The following ALG6 variants were observed in gnomAD, a reference collection of about 807,000 sequenced individuals.
ALG6 encodes the protein ALG6 alpha-1,3-glucosyltransferase.
ALG6 carries 46 observed loss-of-function variants against 66.6 expected under a neutral mutation model. That is an observed-to-expected ratio of 0.69 (90% CI 0.55 to 0.88). ALG6 has a LOEUF of 0.88. ALG6 is among the 40% of genes least tolerant of loss of function. The probability of loss-of-function intolerance (pLI) is 0.00; values close to 1 mark genes in which losing one functional copy is unlikely to be tolerated. For synonymous variants in ALG6, 185 were observed against 203.7 expected (o/e 0.91, Z 0.78); for missense variants, 505 against 586.8 (o/e 0.86, Z 1.44).
chr1:63,420,301 T>C (rs900887178), intron 12 of ALG6, among the ~76,000 whole-genome samples: 2 of 152,128 alleles, frequency 1.3e-5, no homozygotes, highest in Non-Finnish European at 2.9e-5. Flanking sequence ...CTTACCACTA[T>C]TGTATGAGGC....
chr1:63,430,079 C>T (rs572013066), intron 14 of ALG6, among the ~76,000 whole-genome samples: 3 of 152,176 alleles, frequency 2.0e-5, no homozygotes, highest in African/African-American at 7.2e-5. Context: ...GATGGGATTT[C>T]AGTATGTCGG....
chr1:63,409,637 T>C (rs1371384987), intron 7 of ALG6, among the ~76,000 whole-genome samples: 1 of 152,218 alleles, frequency 6.6e-6, no homozygotes, highest in Non-Finnish European at 1.5e-5. Flanking sequence ...TGATTTTAAT[T>C]CTTTCATGGT....
Position 63,419,355 on chromosome 1 carries a change from C to G in ALG6, c.988-15C>G. The G allele has an allele frequency of 6.3e-7, 1 of 1,597,778 alleles. No homozygotes were observed. Among genetic ancestry groups the G allele is most frequent in the Non-Finnish European group, 8.6e-7 (1 of 1,167,604 alleles). On this transcript the variant is annotated splice_polypyrimidine_tract_variant and intron_variant, in intron 11 of 14. Coordinates refer to ENST00000263440, the MANE Select transcript of ALG6 (RefSeq NM_013339.4). ...CAAGTTGTTATATCTCATTTCCCCC[C>G]CTTTTTTCTTAAAGGTTAGCTGTGC...
intron 2 of ALG6, among the ~76,000 whole-genome samples, chr1:63,381,327 G>A (rs373780043): frequency 3.9e-5 from 6 of 152,274 alleles, no homozygotes; most frequent in East Asian, 3.9e-4. Flanking sequence ...GGTGGCGGGC[G>A]CCTGTAGTCC....
At position 63,404,971 on chromosome 1, in the gene ALG6, ATTG is replaced by A. The variant is rs377487627; in HGVS notation, c.346+435_346+437del. Reference sequence around the variant, plus strand: ...TTGCAGTTATCATCTTATACATTGTATTGTTGTGCAGTTTCTAAATTAAATAAT... The same window carrying A: ...TTGCAGTTATCATCTTATACATTGTATTGTGCAGTTTCTAAATTAAATAAT... On this transcript the variant is annotated intron_variant, in intron 5 of 14. Transcript: ENST00000263440. Among the ~76,000 whole-genome samples the A allele has an allele frequency of 6.6e-5, 10 of 152,214 alleles. No homozygotes were observed. In the East Asian group the frequency reaches 1.5e-3, roughly 23 times the overall value.
intron 12 of ALG6, among the ~76,000 whole-genome samples, chr1:63,423,174 C>G (rs1644597452): frequency 6.6e-6 from 1 of 151,788 alleles, no homozygotes; most frequent in Admixed American, 6.6e-5. Context: ...CAGACGCACA[C>G]CACCACGCCC....
intron 4 of ALG6, among the ~76,000 whole-genome samples, chr1:63,403,211 G>A (rs1644474261): frequency 6.6e-6 from 1 of 151,258 alleles, no homozygotes; most frequent in Non-Finnish European, 1.5e-5. Context: ...AAGTAGAGAT[G>A]TTATCCATAT....
intron 2 of ALG6, among the ~76,000 whole-genome samples, chr1:63,384,162 C>T (rs1460796430): frequency 6.6e-6 from 1 of 152,096 alleles, no homozygotes; most frequent in East Asian, 1.9e-4. Context: ...CCTTTATTGC[C>T]TGTCGTTTGG....
At chr1:63,399,736 A>G (rs1644436306) in intron 3 of ALG6, among the ~76,000 whole-genome samples, 3 of 152,196 alleles carry the variant, frequency 2.0e-5, no homozygotes, top group Admixed American at 2.0e-4. Context: ...GTTAGAGAAA[A>G]CTACATCTTA....
chr1:63,398,080 T>G (rs556956451), intron 3 of ALG6, among the ~76,000 whole-genome samples: 1 of 152,198 alleles, frequency 6.6e-6, no homozygotes, highest in Non-Finnish European at 1.5e-5. Flanking sequence ...GGTTATTCTC[T>G]TAGAGACTGG....
chr1:63,433,070 G>A lies in ALG6; in HGVS notation c.1327-3753G>A, dbSNP rs1435552505. On this transcript the variant is annotated intron_variant, in intron 14 of 14. Transcript: ENST00000263440. This position sits in a 1 kb window ranked among gnomAD's most constrained non-coding sequence, Gnocchi z 4.2. ...CAATTCTTCTGCCTCAGCCTCCTGA[G>A]TAGCTGGGACTACAGGCACGTGCCA... 1.3e-5 allele frequency among the ~76,000 whole-genome samples: 2 copies of A among 152,158 alleles called. No individual in the cohort carries two copies. Among genetic ancestry groups the A allele is most frequent in the African/African-American group, 4.8e-5 (2 of 41,428 alleles).
At chr1:63,381,230 G>A (rs1175058284) in intron 2 of ALG6, among the ~76,000 whole-genome samples, 6 of 152,122 alleles carry the variant, frequency 3.9e-5, no homozygotes, top group East Asian at 1.9e-4. Context: ...CGAGGCAGGC[G>A]GATCATGAGG....
Position 63,396,530 on chromosome 1 carries a change from A to G in ALG6, c.100A>G (p.Met34Val), listed in dbSNP as rs1557585842. 8.1e-6 allele frequency: 13 copies of G among 1,614,056 alleles called. No homozygotes were observed. Among genetic ancestry groups the G allele is most frequent in the African/African-American group, 2.7e-5 (2 of 75,028 alleles). The change falls in exon 3 of 15, where the codon ATG (methionine) becomes GTG (valine). Residue 34 changes from methionine (M) to valine (V), a missense_variant. Coordinates refer to ENST00000263440, the MANE Select transcript of ALG6 (RefSeq NM_013339.4). The stretch of plus-strand genomic sequence containing the variant: ...GATCTTAGGTGCTGGTAAACCGCCT[A>G]TGTTTGGTGATTATGAAGCTCAGAG... The part of the protein sequence containing the change: ...NSYSGAGKPP[M>V]FGDYEAQRHW...
intron 2 of ALG6, among the ~76,000 whole-genome samples, chr1:63,395,139 C>T (rs1648781981): frequency 6.6e-6 from 1 of 152,076 alleles, no homozygotes; most frequent in African/African-American, 2.4e-5. Context: ...GCTGGGATTA[C>T]AGGTGTGAGC....
intron 12 of ALG6, among the ~76,000 whole-genome samples, chr1:63,426,994 A>C (rs1401558565): frequency 6.6e-6 from 1 of 152,078 alleles, no homozygotes; most frequent in Non-Finnish European, 1.5e-5. Context: ...AGTGAAATGG[A>C]AAGTCCTCTA....
At chr1:63,370,385 T>G (rs1647873827) in intron 1 of ALG6, among the ~76,000 whole-genome samples, 1 of 152,334 alleles carries the variant, frequency 6.6e-6, no homozygotes, top group African/African-American at 2.4e-5. Context: ...AGATTCCTCT[T>G]TCTCGCTGTA....
chr1:63,428,785 C>G lies in ALG6; in HGVS notation c.1111C>G (p.Leu371Val), dbSNP rs764449670. The G allele has an allele frequency of 6.2e-7, 1 of 1,609,506 alleles. No homozygotes were observed. Among genetic ancestry groups the G allele is most frequent in the Non-Finnish European group, 8.5e-7 (1 of 1,177,054 alleles). ...TCCTTTTATGTCTACTTGGTTTTTA[C>G]TTGTGTCAACATTTAGGTAAGTCAT... ...EIPFMSTWFL[L>V]VSTFSMLPLL... Residue 371 changes from leucine (L) to valine (V), a missense_variant, in exon 13 of 15, where the codon CTT becomes GTT. Leu to Val is a conservative substitution (Grantham distance 32). Coordinates refer to ENST00000263440, the MANE Select transcript of ALG6 (RefSeq NM_013339.4).
intron 3 of ALG6, among the ~76,000 whole-genome samples, chr1:63,399,865 G>A (rs544374796): frequency 1.3e-5 from 2 of 151,884 alleles, no homozygotes; most frequent in South Asian, 4.2e-4. Context: ...ACATTTCAAT[G>A]TATAAATAGT....
At chr1:63,429,661 G>T (rs1177616250) in intron 14 of ALG6, 1 of 153,168 alleles carries the variant, frequency 6.5e-6, no homozygotes, top group Non-Finnish European at 1.5e-5. Context: ...TCCTTTTCTT[G>T]TAAGGACACC....
Sources: allele counts gnomAD v4.1 joint callset (sites outside exome capture counted in the v4.1 genomes callset), GRCh38; gene constraint gnomAD v4.1.1; non-coding constraint Gnocchi (gnomAD v3.1); transcripts MANE v1.5; gene names NCBI Gene and HGNC (gene_info 2026-07-23, HGNC 2026-07-21).